COL25A1: variants seen among roughly 807,000 people sequenced by gnomAD.
The protein encoded by COL25A1 is collagen type XXV alpha 1 chain, also known as collagen alpha-1(XXV) chain.
COL25A1 carries 103 observed loss-of-function variants against 128.4 expected under a neutral mutation model. That is an observed-to-expected ratio of 0.80 (90% CI 0.68 to 0.94). COL25A1 has a LOEUF of 0.94. Among genes scored for constraint, COL25A1 ranks in the 40% least tolerant of loss-of-function variants. COL25A1 has a pLI of 0.00. For missense variants in COL25A1, 745 were observed against 840.0 expected (o/e 0.89, Z 1.40); for synonymous variants, 279 against 277.2 (o/e 1.01, Z -0.06).
intron 13 of COL25A1, among the ~76,000 whole-genome samples, chr4:108,913,863 A>T (rs1744552489): frequency 6.6e-6 from 1 of 152,214 alleles, no homozygotes; most frequent in South Asian, 2.1e-4. Context: ...AGTAGGAACT[A>T]ATTGACCAAT....
intron 13 of COL25A1, among the ~76,000 whole-genome samples, chr4:108,905,857 G>GT (rs1403857951): frequency 6.7e-6 from 1 of 148,450 alleles, no homozygotes; most frequent in African/African-American, 2.5e-5. Flanking sequence ...TGTCGGGGGG[G>GT]GGTGCGGGGG....
At chr4:109,111,863 A>G (rs1767055623) in intron 3 of COL25A1, among the ~76,000 whole-genome samples, 1 of 152,204 alleles carries the variant, frequency 6.6e-6, no homozygotes, top group Non-Finnish European at 1.5e-5. Flanking sequence ...AATATAGTAG[A>G]TGCTTAATAC....
At chr4:109,229,436 A>G (rs368019032) in intron 3 of COL25A1, among the ~76,000 whole-genome samples, 1 of 152,204 alleles carries the variant, frequency 6.6e-6, no homozygotes, top group African/African-American at 2.4e-5. Flanking sequence ...CTTATTTAAT[A>G]TATATTGTTG....
intron 3 of COL25A1, among the ~76,000 whole-genome samples, chr4:109,110,134 T>C (rs1350014390): frequency 1.3e-5 from 2 of 152,116 alleles, no homozygotes; most frequent in East Asian, 3.9e-4. Context: ...AGGAGGGATG[T>C]TCAAAAATTA....
intron 31 of COL25A1, among the ~76,000 whole-genome samples, chr4:108,833,249 G>A (rs28704690): frequency 0.14 from 20,954 of 152,110 alleles, 1,480 homozygotes; most frequent in East Asian, 0.25. Context: ...GGGGCAGCAG[G>A]GGCTTACAGG....
intron 3 of COL25A1, among the ~76,000 whole-genome samples, chr4:109,078,476 T>C (rs1294188286): frequency 6.6e-6 from 1 of 152,210 alleles, no homozygotes; most frequent in Non-Finnish European, 1.5e-5. Context: ...AAAACTGTCA[T>C]GCAGGCTTTT....
At chr4:109,232,208 C>T (rs1309899007) in intron 3 of COL25A1, among the ~76,000 whole-genome samples, 2 of 152,138 alleles carry the variant, frequency 1.3e-5, no homozygotes, top group East Asian at 3.8e-4. Context: ...AACAGGAGAA[C>T]ATATCATAAT....
At chr4:109,262,823 GC>G (rs930548061) in intron 3 of COL25A1, among the ~76,000 whole-genome samples, 5 of 152,062 alleles carry the variant, frequency 3.3e-5, no homozygotes, top group South Asian at 2.1e-4. Flanking sequence ...TAAGTTTCTG[GC>G]AATTTGTCTA....
At chr4:108,956,178 G>A (rs1560928810) in intron 8 of COL25A1, among the ~76,000 whole-genome samples, 1 of 152,090 alleles carries the variant, frequency 6.6e-6, no homozygotes, top group East Asian at 1.9e-4. Flanking sequence ...ATTTTATTTA[G>A]TTTTTTAAAA....
At chr4:108,881,739 A>G (rs1740152230) in intron 19 of COL25A1, among the ~76,000 whole-genome samples, 1 of 152,208 alleles carries the variant, frequency 6.6e-6, no homozygotes, top group South Asian at 2.1e-4. Context: ...GACCACTAAT[A>G]GTTGTGACGT....
chr4:108,889,596 CAG>C (rs1741249163), intron 17 of COL25A1, 103 bp downstream of exon 17: 1 of 952,098 alleles, frequency 1.1e-6, no homozygotes, highest in Admixed American at 2.1e-5. Context: ...AGAATAAGAA[CAG>C]AGTTATAACC....
chr4:109,269,679 G>A (rs890036750), intron 3 of COL25A1, among the ~76,000 whole-genome samples: 1 of 151,764 alleles, frequency 6.6e-6, no homozygotes, highest in African/African-American at 2.4e-5. Context: ...TTCTCTGATG[G>A]CCAGTGACGG....
chr4:109,167,641 C>T (rs1286902790), intron 3 of COL25A1, among the ~76,000 whole-genome samples: 1 of 152,112 alleles, frequency 6.6e-6, no homozygotes, highest in Non-Finnish European at 1.5e-5. Flanking sequence ...CTTTCCCTCC[C>T]TACTTCTCTC....
chr4:109,221,042 C>A (rs1395280525), intron 3 of COL25A1, among the ~76,000 whole-genome samples: 2 of 151,976 alleles, frequency 1.3e-5, no homozygotes, highest in Non-Finnish European at 2.9e-5. Flanking sequence ...CCCAACCCTG[C>A]ACAATTTTAT....
rs138104011 is a variant in COL25A1 at position 108,867,444 on chromosome 4, C to T, written c.1083+1644G>A. Among the ~76,000 whole-genome samples the T allele has an allele frequency of 1.7e-4, 26 of 152,320 alleles. No individual in the cohort carries two copies. In the East Asian group the frequency reaches 2.9e-3, roughly 17 times the overall value. Reference sequence around the variant, plus strand: ...GAAAGACATTTCTTGTGTGAATCTGCTCAGGCTAAAACAGGCATTCCTCAT... The same window carrying T: ...GAAAGACATTTCTTGTGTGAATCTGTTCAGGCTAAAACAGGCATTCCTCAT... On this transcript the variant is annotated intron_variant, in intron 20 of 37. Transcript: ENST00000399132.
At chr4:109,065,972 T>G (rs1307505043) in intron 3 of COL25A1, among the ~76,000 whole-genome samples, 2 of 152,198 alleles carry the variant, frequency 1.3e-5, no homozygotes, top group Non-Finnish European at 2.9e-5. Context: ...GTCATTTAAA[T>G]CCATAACCTG....
At position 109,300,655 on chromosome 4, in the gene COL25A1, G is replaced by A. The variant is rs760008362; in HGVS notation, c.298-3C>T. Reference sequence around the variant, plus strand: ...TTAGCCATATGTTCATAGGATTTCTGTAGGAAAAGAAGAGTTATTAATAAT... The same window carrying A: ...TTAGCCATATGTTCATAGGATTTCTATAGGAAAAGAAGAGTTATTAATAAT... On this transcript the variant is annotated splice_polypyrimidine_tract_variant and splice_region_variant and intron_variant, in intron 2 of 37. Transcript: ENST00000399132. 3 of 1,602,976 alleles carry A rather than the reference G, an allele frequency of 1.9e-6. No homozygotes were observed. Among genetic ancestry groups the A allele is most frequent in the Non-Finnish European group, 2.6e-6 (3 of 1,169,920 alleles).
chr4:109,170,083 T>G (rs1050237782), intron 3 of COL25A1, among the ~76,000 whole-genome samples: 1 of 152,138 alleles, frequency 6.6e-6, no homozygotes, highest in African/African-American at 2.4e-5. Context: ...TAATATGTCA[T>G]AGAACTATTC....
intron 35 of COL25A1, 59 bp downstream of exon 35, chr4:108,824,115 A>C (rs1732091087): frequency 6.2e-7 from 1 of 1,613,878 alleles, no homozygotes; most frequent in African/African-American, 1.3e-5. Context: ...CAAGCTGAAC[A>C]GCAAAGCAGA....
Sources: allele counts gnomAD v4.1 joint callset (sites outside exome capture counted in the v4.1 genomes callset), GRCh38; gene constraint gnomAD v4.1.1; transcripts MANE v1.5; gene names NCBI Gene and HGNC (gene_info 2026-07-23, HGNC 2026-07-21).